The following DCLK1 variants were observed in gnomAD, a reference collection of about 807,000 sequenced individuals.
DCLK1 encodes the protein serine/threonine-protein kinase DCLK1.
A neutral mutation model predicts 86.2 loss-of-function variants in DCLK1; 16 were observed. The ratio of observed to expected loss-of-function variants is 0.19; its 90% CI spans 0.13 to 0.28. The LOEUF is 0.28. DCLK1 is among the 10% of genes least tolerant of loss of function. DCLK1 has a pLI of 1.00. For missense variants in DCLK1, 590 were observed against 940.2 expected (o/e 0.63, Z 4.87); for synonymous variants, 369 against 370.5 (o/e 1.00, Z 0.05).
intron 3 of DCLK1, among the ~76,000 whole-genome samples, chr13:35,981,075 G>C (rs1980829): frequency 0.68 from 103,947 of 151,998 alleles, 36,526 homozygotes; most frequent in Admixed American, 0.76. Flanking sequence ...AGACAAAGTA[G>C]ATTTCAGAGA....
chr13:35,893,921 C>T (rs886187923), intron 4 of DCLK1, among the ~76,000 whole-genome samples: 3 of 152,120 alleles, frequency 2.0e-5, no homozygotes, highest in Non-Finnish European at 4.4e-5. Flanking sequence ...ACAGATCATC[C>T]ACTGGGGTGG....
chr13:36,049,241 C>T (rs1883043531), intron 3 of DCLK1, among the ~76,000 whole-genome samples: 1 of 152,070 alleles, frequency 6.6e-6, no homozygotes. Context: ...TAGTACTGCA[C>T]CTGACCATAT....
At chr13:35,989,922 A>T (rs1880145500) in intron 3 of DCLK1, among the ~76,000 whole-genome samples, 1 of 152,198 alleles carries the variant, frequency 6.6e-6, no homozygotes, top group African/African-American at 2.4e-5. Context: ...TTTAAAAAAT[A>T]ACTGATATGT....
At chr13:35,938,980 G>A (rs1408146902) in intron 4 of DCLK1, among the ~76,000 whole-genome samples, 8 of 152,180 alleles carry the variant, frequency 5.3e-5, no homozygotes, top group Non-Finnish European at 1.0e-4. Flanking sequence ...TGTAGCGAAG[G>A]AACTAGCTGG....
chr13:35,945,871 G>T (rs1284799695), intron 4 of DCLK1, among the ~76,000 whole-genome samples: 2 of 152,168 alleles, frequency 1.3e-5, no homozygotes, highest in Admixed American at 1.3e-4. Context: ...GAGAAAAAGG[G>T]ATGCCAAACC....
chr13:35,844,165 G>A (rs1265381949), intron 6 of DCLK1, among the ~76,000 whole-genome samples: 1 of 152,134 alleles, frequency 6.6e-6, no homozygotes, highest in Non-Finnish European at 1.5e-5. Flanking sequence ...CCTAAATAAA[G>A]TTTATGGCAC....
intron 3 of DCLK1, among the ~76,000 whole-genome samples, chr13:36,082,497 TCTAATCC>T (rs1440180846): frequency 1.3e-5 from 2 of 152,316 alleles, no homozygotes; most frequent in East Asian, 3.9e-4. Context: ...GGTTGATTCC[TCTAATCC>T]CATGTTGTTC....
chr13:36,107,066 G>A (rs972700236), intron 3 of DCLK1, among the ~76,000 whole-genome samples: 6 of 151,064 alleles, frequency 4.0e-5, no homozygotes, highest in South Asian at 2.1e-4. Context: ...AATAAATGGC[G>A]GCAATTATTG....
chr13:36,104,261 T>C (rs931615732), intron 3 of DCLK1, among the ~76,000 whole-genome samples: 3 of 152,198 alleles, frequency 2.0e-5, no homozygotes, highest in African/African-American at 7.2e-5. Context: ...GCCGAGTGGA[T>C]AGACCACAGC....
intron 4 of DCLK1, among the ~76,000 whole-genome samples, chr13:35,886,949 C>G (rs1205537414): frequency 1.3e-5 from 2 of 152,182 alleles, no homozygotes; most frequent in East Asian, 3.8e-4. Flanking sequence ...TCTAAGCTTC[C>G]CCATGGCCAC....
In DCLK1 at chr13:36,048,964, G is replaced by A. The variant is rs139406407; in HGVS notation, c.723+62905C>T. 3.2e-4 allele frequency among the ~76,000 whole-genome samples: 49 copies of A among 152,266 alleles called. No individual in the cohort carries two copies. The East Asian group carries it at 7.1e-3, about 22-fold the overall frequency. ...TGGGCTGGAAGTGGAGGGAGGCTGG[G>A]AGTGGTTTCACATGTAATTTCCTAC... On this transcript the variant is annotated intron_variant, in intron 3 of 16. Coordinates refer to ENST00000360631, the MANE Select transcript of DCLK1 (RefSeq NM_001330071.2).
At chr13:35,787,306 T>C (rs1214911603) in intron 16 of DCLK1, among the ~76,000 whole-genome samples, 2 of 150,706 alleles carry the variant, frequency 1.3e-5, no homozygotes, top group Admixed American at 6.6e-5. Flanking sequence ...AATACTAAGA[T>C]GTGGAGTGTT....
Position 35,822,679 on chromosome 13 carries a change from T to C in DCLK1, c.1554+50A>G, listed in dbSNP as rs753353811. 13 of 1,608,476 alleles carry C rather than the reference T, an allele frequency of 8.1e-6. No individual in the cohort carries two copies. The East Asian group carries it at 2.0e-4, about 25-fold the overall frequency. Reference sequence around the variant, plus strand: ...AAGAAAAAAGAAATATTCATATTCCTTCATGAGTGCTTGGAACTCAGGATG... The same window carrying C: ...AAGAAAAAAGAAATATTCATATTCCCTCATGAGTGCTTGGAACTCAGGATG... On this transcript the variant is annotated intron_variant, in intron 11 of 16. Coordinates refer to ENST00000360631, the MANE Select transcript of DCLK1 (RefSeq NM_001330071.2).
At chr13:35,846,259 T>A (rs773635228) in intron 6 of DCLK1, 1 of 984,818 alleles carries the variant, frequency 1.0e-6, no homozygotes, top group Non-Finnish European at 1.2e-6. Context: ...ACAACATTCA[T>A]AATATATTTC....
intron 3 of DCLK1, among the ~76,000 whole-genome samples, chr13:36,064,617 C>T (rs1883681165): frequency 6.6e-6 from 1 of 151,406 alleles, no homozygotes; most frequent in Admixed American, 6.6e-5. Context: ...TGAGATAGCG[C>T]CACTGCACTC....
intron 4 of DCLK1, among the ~76,000 whole-genome samples, chr13:35,921,519 C>A (rs1476618214): frequency 6.6e-6 from 1 of 152,178 alleles, no homozygotes; most frequent in Non-Finnish European, 1.5e-5. Flanking sequence ...GGTCTCACAG[C>A]CCCTTGTATG....
chr13:36,111,248 A>C (rs112723312), intron 3 of DCLK1, among the ~76,000 whole-genome samples: 1,714 of 152,262 alleles, frequency 0.011, 17 homozygotes, highest in Non-Finnish European at 0.018. Flanking sequence ...TGACCAACTC[A>C]CATTAAAATG....
chr13:35,909,994 C>T (rs1158411756), intron 4 of DCLK1, among the ~76,000 whole-genome samples: 1 of 152,182 alleles, frequency 6.6e-6, no homozygotes, highest in Non-Finnish European at 1.5e-5. Context: ...TTGCTAAAGA[C>T]ACCCGCATCC....
intron 8 of DCLK1, among the ~76,000 whole-genome samples, chr13:35,835,591 T>C (rs1178268212): frequency 6.6e-6 from 1 of 152,212 alleles, no homozygotes; most frequent in Non-Finnish European, 1.5e-5. Context: ...ATACCACTTC[T>C]GTTGGGGTCA....
Sources: allele counts gnomAD v4.1 joint callset (sites outside exome capture counted in the v4.1 genomes callset), GRCh38; gene constraint gnomAD v4.1.1; transcripts MANE v1.5; gene names NCBI Gene and HGNC (gene_info 2026-07-23, HGNC 2026-07-21).